OR2L13: variants seen among roughly 807,000 people sequenced by gnomAD.
OR2L13 encodes the protein olfactory receptor family 2 subfamily L member 13.
A neutral mutation model predicts 15.3 loss-of-function variants in OR2L13; 14 were observed. The ratio of observed to expected loss-of-function variants is 0.91; its 90% CI spans 0.60 to 1.43. The LOEUF (loss-of-function observed/expected upper bound fraction) is 1.43. Ranked by LOEUF, OR2L13 falls within the 40% of genes most tolerant of loss-of-function variation. OR2L13 has a pLI of 0.00. For synonymous variants in OR2L13, 152 were observed against 142.9 expected (o/e 1.06, Z -0.45); for missense variants, 367 against 387.9 (o/e 0.95, Z 0.45).
the OR2L13 span, among the ~76,000 whole-genome samples, chr1:248,005,683 T>A: frequency 6.6e-6 from 1 of 152,194 alleles, no homozygotes; most frequent in South Asian, 2.1e-4. Context: ...GTTTTCCCAT[T>A]TGTTTGTATT....
At chr1:248,005,886 G>A in the OR2L13 span, among the ~76,000 whole-genome samples, 5 of 152,148 alleles carry the variant, frequency 3.3e-5, no homozygotes, top group African/African-American at 7.2e-5. Context: ...CTTGTTTTAT[G>A]AATCAGAGTA....
At chr1:247,965,260 A>G in the OR2L13 span, 1 of 1,267,012 alleles carries the variant, frequency 7.9e-7, no homozygotes, top group East Asian at 2.6e-5. Flanking sequence ...TAGTTGCCAA[A>G]CATGTAAGTG....
the OR2L13 span, among the ~76,000 whole-genome samples, chr1:247,992,106 C>T: frequency 1.3e-5 from 2 of 149,264 alleles, no homozygotes; most frequent in Non-Finnish European, 3.0e-5. Flanking sequence ...CTCTCCTCCT[C>T]TTCCTACTAC....
chr1:247,993,762 G>GAGAGAGAGAGAGAGAGAGAGAGAGA, the OR2L13 span, among the ~76,000 whole-genome samples: 70 of 53,656 alleles, frequency 1.3e-3, 9 homozygotes, highest in Middle Eastern at 0.026. Context: ...AGAGAGAGGG[G>GAGAGAGAGAGAGAGAGAGAGAGAGA]GAGAGAGAGA....
At chr1:247,949,138 C>T in the OR2L13 span, 6 of 1,613,938 alleles carry the variant, frequency 3.7e-6, 1 homozygote, top group South Asian at 6.6e-5. Context: ...ATCTCCTTCA[C>T]TGGGTGTGGG....
the OR2L13 span, among the ~76,000 whole-genome samples, chr1:248,088,029 G>A: frequency 5.9e-5 from 9 of 152,126 alleles, no homozygotes; most frequent in South Asian, 4.1e-4. Flanking sequence ...ACATTTACAC[G>A]CGTGCTATTT....
chr1:248,087,743 A>G, the OR2L13 span, among the ~76,000 whole-genome samples: 1 of 152,200 alleles, frequency 6.6e-6, no homozygotes, highest in Admixed American at 6.5e-5. Flanking sequence ...CTAAGGGTAA[A>G]TGAATGTAAT....
the OR2L13 span, among the ~76,000 whole-genome samples, chr1:248,070,218 G>C: frequency 3.9e-5 from 6 of 152,168 alleles, no homozygotes; most frequent in South Asian, 4.2e-4. Flanking sequence ...TGACCACATA[G>C]TTGGAAGTAA....
the OR2L13 span, among the ~76,000 whole-genome samples, chr1:248,010,757 G>GTTTTTTTTTTTTT: frequency 2.2e-5 from 1 of 45,684 alleles, no homozygotes; most frequent in African/African-American, 8.2e-5. Context: ...ATACTGCTTT[G>GTTTTTTTTTTTTT]TTGTTGTTTT....
chr1:248,082,927 A>G, the OR2L13 span, among the ~76,000 whole-genome samples: 1 of 152,232 alleles, frequency 6.6e-6, no homozygotes, highest in African/African-American at 2.4e-5. Context: ...TGTAGAAAAG[A>G]GAACTTAGTT....
At chr1:248,039,472 A>C in the OR2L13 span, 1 of 261,590 alleles carries the variant, frequency 3.8e-6, no homozygotes, top group Non-Finnish European at 7.4e-6. Context: ...CCAGGCTCTA[A>C]TGCAATGGCG....
At chr1:248,056,208 C>T in the OR2L13 span, among the ~76,000 whole-genome samples, 1 of 151,978 alleles carries the variant, frequency 6.6e-6, no homozygotes, top group Non-Finnish European at 1.5e-5. Flanking sequence ...TTTTAGGGTA[C>T]ATGTGTACAA....
At chr1:247,977,154 A>T in the OR2L13 span, among the ~76,000 whole-genome samples, 4 of 152,220 alleles carry the variant, frequency 2.6e-5, no homozygotes, top group African/African-American at 9.6e-5. Context: ...TTTCCTCTTC[A>T]CATGCCCAGA....
chr1:247,969,050 G>A, the OR2L13 span, among the ~76,000 whole-genome samples: 1 of 152,180 alleles, frequency 6.6e-6, no homozygotes, highest in Admixed American at 6.5e-5. Flanking sequence ...ACTGGCGTGA[G>A]ATGGTATCTC....
At chr1:247,994,216 GA>G in the OR2L13 span, among the ~76,000 whole-genome samples, 38 of 151,996 alleles carry the variant, frequency 2.5e-4, no homozygotes, top group Admixed American at 1.4e-3. Context: ...CTAACACGGT[GA>G]AAACCCCGTC....
the OR2L13 span, among the ~76,000 whole-genome samples, chr1:248,013,935 ATAAATG>A: frequency 6.6e-6 from 1 of 152,144 alleles, no homozygotes; most frequent in African/African-American, 2.4e-5. Context: ...CCGCTAATTC[ATAAATG>A]TGTTTCCCGG....
the OR2L13 span, among the ~76,000 whole-genome samples, chr1:248,008,683 A>C: frequency 2.0e-5 from 3 of 152,184 alleles, no homozygotes; most frequent in Non-Finnish European, 4.4e-5. Context: ...TGGACCAAGC[A>C]AATCTAATAG....
At chr1:248,083,457 C>T in the OR2L13 span, 1 of 593,334 alleles carries the variant, frequency 1.7e-6, no homozygotes, top group Non-Finnish European at 3.0e-6. Flanking sequence ...TGAAGAAAAG[C>T]ACATAAATGC....
the OR2L13 span, among the ~76,000 whole-genome samples, chr1:248,020,305 A>T: frequency 6.6e-6 from 1 of 152,150 alleles, no homozygotes; most frequent in Non-Finnish European, 1.5e-5. Context: ...TGCTGATGCT[A>T]TGATTGTTTA....
Sources: gnomAD v4.1 joint callset for allele counts (sites outside exome capture counted in the v4.1 genomes callset) on GRCh38, gnomAD v4.1.1 for gene constraint, MANE v1.5 for transcripts, NCBI Gene and HGNC (gene_info 2026-07-23, HGNC 2026-07-21) for gene names.